Variants in PCDH7 observed in about 807,000 individuals in gnomAD.
The protein encoded by PCDH7 is protocadherin 7.
PCDH7 carries 17 observed loss-of-function variants against 58.9 expected under a neutral mutation model. That is an observed-to-expected ratio of 0.29 (90% confidence interval 0.20 to 0.43). PCDH7 has a LOEUF of 0.43. Among genes scored for constraint, PCDH7 ranks in the 20% least tolerant of loss-of-function variants. The probability of loss-of-function intolerance (pLI) is 1.00; values close to 1 mark genes in which losing one functional copy is unlikely to be tolerated. For synonymous variants in PCDH7, 664 were observed against 616.4 expected (o/e 1.08, Z -1.14); for missense variants, 1,274 against 1,441.0 (o/e 0.88, Z 1.88).
intron 3 of PCDH7, among the ~76,000 whole-genome samples, chr4:31,080,684 G>A (rs1274344793): frequency 1.3e-5 from 2 of 152,150 alleles, no homozygotes; most frequent in African/African-American, 4.8e-5. Context: ...TGAAGCCAGA[G>A]AAAGCTATAA....
At chr4:31,026,750 G>T (rs190674409) in intron 3 of PCDH7, among the ~76,000 whole-genome samples, 1 of 150,672 alleles carries the variant, frequency 6.6e-6, no homozygotes, top group African/African-American at 2.4e-5. Flanking sequence ...GCTTTCCTTT[G>T]GGGGGAAAAA....
intron 3 of PCDH7, among the ~76,000 whole-genome samples, chr4:31,065,725 C>G (rs6836890): frequency 0.13 from 20,285 of 151,824 alleles, 1,631 homozygotes; most frequent in East Asian, 0.34. Flanking sequence ...TTAGTTTATT[C>G]TGCTTTTTAA....
chr4:30,771,742 C>A (rs969771980), intron 1 of PCDH7, among the ~76,000 whole-genome samples: 14 of 151,892 alleles, frequency 9.2e-5, no homozygotes, highest in Non-Finnish European at 1.6e-4. Flanking sequence ...AGGAAATTAT[C>A]CTCGGTTATT....
At chr4:30,828,685 C>T (rs1577963506) in intron 1 of PCDH7, among the ~76,000 whole-genome samples, 1 of 152,036 alleles carries the variant, frequency 6.6e-6, no homozygotes, top group African/African-American at 2.4e-5. Flanking sequence ...TCTCTGGTTA[C>T]GTTGACTCTT....
intron 1 of PCDH7, among the ~76,000 whole-genome samples, chr4:30,899,174 T>A (rs1234141240): frequency 6.6e-6 from 1 of 151,934 alleles, no homozygotes; most frequent in East Asian, 2.0e-4. Flanking sequence ...TGCCCCAGGG[T>A]TTTTTTACGC....
chr4:31,053,490 T>A (rs2109224491), intron 3 of PCDH7, among the ~76,000 whole-genome samples: 1 of 152,252 alleles, frequency 6.6e-6, no homozygotes, highest in Non-Finnish European at 1.5e-5. Context: ...ATCCCACTAC[T>A]TTGGGAAGCC....
intron 2 of PCDH7, among the ~76,000 whole-genome samples, chr4:30,939,172 AC>A (rs970070578): frequency 2.0e-5 from 3 of 151,978 alleles, no homozygotes; most frequent in African/African-American, 7.2e-5. Context: ...TCAACAAGAA[AC>A]CCCAAGCCCT....
At chr4:31,042,765 A>T (rs1445653365) in intron 3 of PCDH7, among the ~76,000 whole-genome samples, 2 of 152,228 alleles carry the variant, frequency 1.3e-5, no homozygotes, top group Non-Finnish European at 2.9e-5. Context: ...CAGCAAAATA[A>T]TGTGCATAAA....
rs1408968216 is a variant in PCDH7 at position 30,955,234 on chromosome 4, T to C, written c.*7+5019T>C. On this transcript the variant is annotated intron_variant, in intron 3 of 3. Transcript: ENST00000509759. ...TTGAGGAGAGGACAGCCTCTTTAGA[T>C]ACTTAGAATACTTTAACTCAGAAGA... Among the ~76,000 whole-genome samples, 3 of 152,106 alleles carry C rather than the reference T, an allele frequency of 2.0e-5. No individual in the cohort carries two copies. The East Asian group carries it at 5.8e-4, about 29-fold the overall frequency.
intron 2 of PCDH7, among the ~76,000 whole-genome samples, chr4:30,923,130 G>C (rs1000920485): frequency 8.5e-5 from 13 of 152,092 alleles, no homozygotes; most frequent in African/African-American, 3.1e-4. Context: ...TTTGGATGCT[G>C]TGCTAGTTCC....
At chr4:31,106,043 T>C (rs1715532046) in intron 3 of PCDH7, among the ~76,000 whole-genome samples, 1 of 151,306 alleles carries the variant, frequency 6.6e-6, no homozygotes, top group Non-Finnish European at 1.5e-5. Flanking sequence ...TATATGTATA[T>C]ATACTTTTAA....
chr4:30,845,979 A>C lies in PCDH7; in HGVS notation c.71-74174A>C, dbSNP rs148278103. 9.8e-3 allele frequency among the ~76,000 whole-genome samples: 1,496 copies of C among 152,246 alleles called. 22 individuals are homozygous for C. The highest frequency in any genetic ancestry group is 0.033 in the African/African-American group (1,385 of 41,544). ...GTGCTTAAGAAATTTTGAATTTTTG[A>C]AACTGAATTTTCATCTTGGAATTAT... On this transcript the variant is annotated intron_variant, in intron 1 of 3. Coordinates refer to the PCDH7 transcript ENST00000509759.
chr4:30,870,796 C>A (rs1185590575), intron 1 of PCDH7, among the ~76,000 whole-genome samples: 1 of 152,124 alleles, frequency 6.6e-6, no homozygotes, highest in Non-Finnish European at 1.5e-5. Context: ...TTGCTTCAAG[C>A]ACAGTCTTGG....
intron 2 of PCDH7, among the ~76,000 whole-genome samples, chr4:30,946,034 A>G (rs956401109): frequency 1.2e-4 from 19 of 152,324 alleles, no homozygotes; most frequent in Middle Eastern, 3.4e-3. Context: ...GGAATATGCT[A>G]GACTATCTAT....
At chr4:30,932,178 G>A (rs571924374) in intron 2 of PCDH7, among the ~76,000 whole-genome samples, 5 of 151,974 alleles carry the variant, frequency 3.3e-5, no homozygotes, top group African/African-American at 4.8e-5. Flanking sequence ...CATAAATCAC[G>A]GAAATAGAAT....
At chr4:31,138,541 C>T (rs1719887117) in intron 3 of PCDH7, among the ~76,000 whole-genome samples, 1 of 152,164 alleles carries the variant, frequency 6.6e-6, no homozygotes, top group Non-Finnish European at 1.5e-5. Flanking sequence ...AAAGTCAAAA[C>T]ACTTATTCTT....
intron 1 of PCDH7, among the ~76,000 whole-genome samples, chr4:30,837,561 A>G (rs979328807): frequency 1.3e-5 from 2 of 152,050 alleles, no homozygotes; most frequent in African/African-American, 4.8e-5. Flanking sequence ...TAGAGAAAAA[A>G]AAACGAGAAT....
chr4:30,839,750 G>T (rs1418504787), intron 1 of PCDH7, among the ~76,000 whole-genome samples: 1 of 152,084 alleles, frequency 6.6e-6, no homozygotes, highest in Non-Finnish European at 1.5e-5. Context: ...TGTACTAAAA[G>T]CCATCTGCTA....
chr4:31,031,858 G>C (rs1261588251), intron 3 of PCDH7, among the ~76,000 whole-genome samples: 1 of 152,058 alleles, frequency 6.6e-6, no homozygotes, highest in Non-Finnish European at 1.5e-5. Flanking sequence ...TAAGTGCTGG[G>C]ATTCTTCTAA....
Sources: allele counts gnomAD v4.1 joint callset (sites outside exome capture counted in the v4.1 genomes callset), GRCh38; gene constraint gnomAD v4.1.1; transcripts MANE v1.5; gene names NCBI Gene and HGNC (gene_info 2026-07-23, HGNC 2026-07-21).